The following PIEZO2 variants were observed in gnomAD, a reference collection of about 807,000 sequenced individuals.
PIEZO2 encodes the protein piezo type mechanosensitive ion channel component 2.
A neutral mutation model predicts 337.3 loss-of-function variants in PIEZO2; 172 were observed. The observed-to-expected ratio is 0.51, with a 90% CI of 0.45 to 0.58. The LOEUF is 0.58. PIEZO2 is among the 20% of genes least tolerant of loss of function. The pLI is 0.00. For synonymous variants in PIEZO2, 1,251 were observed against 1,228.5 expected (o/e 1.02, Z -0.38); for missense variants, 3,028 against 3,391.3 (o/e 0.89, Z 2.66).
At position 10,903,241 on chromosome 18, in the gene PIEZO2, C is replaced by T. The variant is rs1209881501; in HGVS notation, c.329+7945G>A. Reference sequence around the variant, plus strand: ...GAGACATTATAATCACTCTCCTGAACTACTGCAGCAGCTTCCTAGCTGAAC... The same window carrying T: ...GAGACATTATAATCACTCTCCTGAATTACTGCAGCAGCTTCCTAGCTGAAC... On this transcript the variant is annotated intron_variant, in intron 4 of 55. Coordinates refer to ENST00000674853, the MANE Select transcript of PIEZO2 (RefSeq NM_001378183.1). This position sits in a 1 kb window ranked among gnomAD's most constrained non-coding sequence, Gnocchi z 4.1. 6.6e-6 allele frequency among the ~76,000 whole-genome samples: 1 copy of T among 152,224 alleles called. No individual in the cohort carries two copies. Among genetic ancestry groups the T allele is most frequent in the Non-Finnish European group, 1.5e-5 (1 of 68,038 alleles).
At position 10,748,516 on chromosome 18, in the gene PIEZO2, A is replaced by G; in HGVS notation, c.4379T>C (p.Leu1460Pro). 1 of 1,537,154 alleles carries G rather than the reference A, an allele frequency of 6.5e-7. No homozygotes were observed. The highest frequency in any genetic ancestry group is 8.7e-7 in the Non-Finnish European group (1 of 1,146,870). Residue 1460 changes from leucine to proline, a missense_variant, in exon 30 of 56, where the codon CTA becomes CCA. Leu to Pro is a moderately conservative substitution (Grantham distance 98, BLOSUM62 -3). Transcript: ENST00000674853. This position sits in a 1 kb window ranked among gnomAD's most constrained non-coding sequence, Gnocchi z 5.1. ...AGCTTTTATATCAGCCACAACATGT[A>G]GAAAATAATAACTCATGAAAACTCT... ...QRRVFMSYYF[L>P]HVVADIKASQ... is the part of the protein sequence containing the mutation.
In PIEZO2 at chr18:10,976,464, C is replaced by T. The variant is rs565048628; in HGVS notation, c.286+3071G>A. Among the ~76,000 whole-genome samples the T allele has an allele frequency of 2.0e-5, 3 of 152,274 alleles. No homozygotes were observed. In the South Asian group the frequency reaches 6.2e-4, roughly 32 times the overall value. ...ACTCAATCTTTCACATATCCCTTCT[C>T]TATTGGTTACTTCATCAAAAATACT... On this transcript the variant is annotated intron_variant, in intron 3 of 55. Transcript: ENST00000674853.
At chr18:11,123,510 T>C (rs2146204178) in intron 1 of PIEZO2, among the ~76,000 whole-genome samples, 1 of 152,226 alleles carries the variant, frequency 6.6e-6, no homozygotes, top group Admixed American at 6.5e-5. Flanking sequence ...TCCTTTCCTT[T>C]TGAAGAATGT....
In PIEZO2 at chr18:10,750,117, G is replaced by A. The variant is rs1200871036; in HGVS notation, c.4238C>T (p.Ala1413Val). 4.6e-6 allele frequency: 7 copies of A among 1,536,608 alleles called. No individual in the cohort carries two copies. The African/African-American group carries it at 5.5e-5, about 12-fold the overall frequency. Reference sequence around the variant, plus strand: ...CATTTGATAGCCTTTGACTGTGCAGGCCAGGCTGAAAGCCTGGATCAACCA... The same window carrying A: ...CATTTGATAGCCTTTGACTGTGCAGACCAGGCTGAAAGCCTGGATCAACCA... ...SCWLIQAFSL[A>V]CTVKGYQMPA... Residue 1413 changes from alanine to valine, a missense_variant, in exon 29 of 56, where the codon GCC becomes GTC. Ala to Val is a moderately conservative substitution (Grantham distance 64, BLOSUM62 0). Coordinates refer to ENST00000674853, the MANE Select transcript of PIEZO2 (RefSeq NM_001378183.1). The surrounding 1 kb of genome is among the most constrained non-coding windows in gnomAD (Gnocchi z 4.1).
In PIEZO2 at chr18:10,942,177, A is replaced by C. The variant is rs1429015865; in HGVS notation, c.287-30949T>G. Among the ~76,000 whole-genome samples the C allele has an allele frequency of 1.3e-5, 2 of 152,304 alleles. No individual in the cohort carries two copies. Among genetic ancestry groups the C allele is most frequent in the East Asian group, 3.9e-4 (2 of 5,174 alleles). ...TTCTCAGCAGCATGAAAATGAACTAATTCAGTAAATTGGTACCAGTAGGGT... is the reference window on the plus strand; with the variant it reads ...TTCTCAGCAGCATGAAAATGAACTACTTCAGTAAATTGGTACCAGTAGGGT... On this transcript the variant is annotated intron_variant, in intron 3 of 55. Transcript: ENST00000674853. The surrounding 1 kb of genome is among the most constrained non-coding windows in gnomAD (Gnocchi z 4.4).
intron 4 of PIEZO2, among the ~76,000 whole-genome samples, chr18:10,900,513 A>T (rs998570108): frequency 3.9e-5 from 6 of 152,228 alleles, no homozygotes; most frequent in African/African-American, 7.2e-5. Context: ...ATGGGTTTGA[A>T]CAAAATCTAA....
At chr18:10,865,390 A>C (rs2041979353) in intron 5 of PIEZO2, among the ~76,000 whole-genome samples, 1 of 152,222 alleles carries the variant, frequency 6.6e-6, no homozygotes, top group Non-Finnish European at 1.5e-5. Flanking sequence ...ACATATTTTC[A>C]GGCCTTGCTG....
In PIEZO2 at chr18:11,132,291, A is replaced by T. The variant is rs769040834; in HGVS notation, c.64+16234T>A. 3.5e-4 allele frequency among the ~76,000 whole-genome samples: 54 copies of T among 152,168 alleles called. No individual in the cohort carries two copies. The highest frequency in any genetic ancestry group is 1.9e-4 in the East Asian group (1 of 5,192). The stretch of plus-strand genomic sequence containing the variant: ...TGCCTCTGACCAAGGCACTCACTTT[A>T]TGGTGAAAGAAGTGTGGCAGCAGGC... On this transcript the variant is annotated intron_variant, in intron 1 of 55. Coordinates refer to ENST00000674853, the MANE Select transcript of PIEZO2 (RefSeq NM_001378183.1). The surrounding 1 kb of genome is among the most constrained non-coding windows in gnomAD (Gnocchi z 4.7).
intron 8 of PIEZO2, among the ~76,000 whole-genome samples, chr18:10,806,140 G>A (rs1305331057): frequency 6.6e-6 from 1 of 152,196 alleles, no homozygotes; most frequent in Non-Finnish European, 1.5e-5. Context: ...GACAGACAGA[G>A]AAAGTAGGGA....
At chr18:10,698,862 C>T (rs1459930872) in intron 44 of PIEZO2, 63 bp downstream of exon 44, 3 of 1,523,162 alleles carry the variant, frequency 2.0e-6, no homozygotes, top group Non-Finnish European at 1.8e-6. Context: ...GACCCACAGG[C>T]ACCAGAAAAA....
At chr18:10,978,876 T>C (rs986751696) in intron 3 of PIEZO2, among the ~76,000 whole-genome samples, 2 of 152,178 alleles carry the variant, frequency 1.3e-5, no homozygotes, top group Non-Finnish European at 2.9e-5. Context: ...CAATCACACA[T>C]CCTACAAAAA....
At position 10,724,878 on chromosome 18, in the gene PIEZO2, T is replaced by C; in HGVS notation, c.5029+6529A>G. ...GCAGTGAGAGCACCTACTCTGTAAA[T>C]AGTACTGGCCGGCGGGGGCGTGGCA... On this transcript the variant is annotated intron_variant, in intron 36 of 55. Transcript: ENST00000674853. This position sits in a 1 kb window ranked among gnomAD's most constrained non-coding sequence, Gnocchi z 5.8. 4 of 1,609,450 alleles carry C rather than the reference T, an allele frequency of 2.5e-6. No homozygotes were observed. The highest frequency in any genetic ancestry group is 1.1e-5 in the South Asian group (1 of 90,676).
chr18:10,702,184 G>A lies in PIEZO2; in HGVS notation c.6259-13C>T. The A allele has an allele frequency of 6.5e-7, 1 of 1,529,054 alleles. No individual in the cohort carries two copies. The highest frequency in any genetic ancestry group is 8.7e-7 in the Non-Finnish European group (1 of 1,144,516). The allele number at this position is 1,529,054 out of a possible 1,614,324, so 94.7% of individuals were successfully genotyped here. A position where few individuals can be genotyped will look rare whatever the true frequency, so the allele number is the denominator to read the frequency against. Reference sequence around the variant, plus strand: ...CTACAATTGCCACCTACGCACAGATGACAGAAATTTTAAAACATTACTCCT... The same window carrying A: ...CTACAATTGCCACCTACGCACAGATAACAGAAATTTTAAAACATTACTCCT... On this transcript the variant is annotated splice_polypyrimidine_tract_variant and intron_variant, in intron 42 of 55. Coordinates refer to ENST00000674853, the MANE Select transcript of PIEZO2 (RefSeq NM_001378183.1).
intron 1 of PIEZO2, among the ~76,000 whole-genome samples, chr18:11,130,601 T>C (rs1274873354): frequency 6.6e-6 from 1 of 152,230 alleles, no homozygotes; most frequent in African/African-American, 2.4e-5. Context: ...ACTGGACTTA[T>C]TGGAGAGACA....
intron 4 of PIEZO2, among the ~76,000 whole-genome samples, chr18:10,893,452 T>C (rs1257126327): frequency 7.2e-6 from 1 of 138,792 alleles, no homozygotes; most frequent in Non-Finnish European, 1.6e-5. Flanking sequence ...TGACCCCTCT[T>C]TAATTCATCA....
At position 10,855,265 on chromosome 18, in the gene PIEZO2, A is replaced by T; in HGVS notation, c.917+88T>A. The stretch of plus-strand genomic sequence containing the variant: ...ACAGCAATTGCCTGCCATCAAGAAT[A>T]ACCCCTGTAAATTCACAATGCCAAA... On this transcript the variant is annotated intron_variant, in intron 7 of 55. Coordinates refer to ENST00000674853, the MANE Select transcript of PIEZO2 (RefSeq NM_001378183.1). The surrounding 1 kb of genome is among the most constrained non-coding windows in gnomAD (Gnocchi z 4.9). The T allele has an allele frequency of 8.5e-7, 1 of 1,178,484 alleles. No individual in the cohort carries two copies. Among genetic ancestry groups the T allele is most frequent in the Admixed American group, 2.1e-5 (1 of 47,342 alleles). 73.0% of individuals were successfully genotyped at this position (1,178,484 alleles called of 1,614,324 possible). A position where few individuals can be genotyped will look rare whatever the true frequency, so the allele number is the denominator to read the frequency against.
chr18:10,770,276 G>A lies in PIEZO2; in HGVS notation c.2818C>T (p.Arg940Cys), dbSNP rs774554263. 8.5e-6 allele frequency: 13 copies of A among 1,537,372 alleles called. 1 individual carries two copies. Among genetic ancestry groups the A allele is most frequent in the South Asian group, 6.0e-5 (5 of 84,010 alleles). ...LRNKWHLVIDRLTVLFLKFLE... is the reference protein window; with the variant it reads ...LRNKWHLVIDCLTVLFLKFLE... The stretch of plus-strand genomic sequence containing the variant: ...AATTTTAAGAAGAGCACAGTGAGGC[G>A]GTCAATCACCAGGTGCCATTTGTTC... The change falls in exon 21 of 56, where the codon CGC (arginine) becomes TGC (cysteine). Residue 940 changes from arginine to cysteine, a missense_variant. Coordinates refer to ENST00000674853, the MANE Select transcript of PIEZO2 (RefSeq NM_001378183.1).
intron 4 of PIEZO2, among the ~76,000 whole-genome samples, chr18:10,876,987 G>A (rs1450415987): frequency 2.0e-5 from 3 of 152,064 alleles, no homozygotes; most frequent in East Asian, 1.9e-4. Context: ...CCAAATCTCC[G>A]TTCCCGTGGT....
rs763758596 is a variant in PIEZO2 at position 10,671,524 on chromosome 18, G to A, written c.*3C>T. The stretch of plus-strand genomic sequence containing the variant: ...CATTATTTGCAGTCTGTGTTCTAAG[G>A]TTTCAATTTGTTTTTTCTCTAGTCC... On this transcript the variant is annotated 3_prime_UTR_variant, in exon 56 of 56. Transcript: ENST00000674853. 4 of 1,606,508 alleles carry A rather than the reference G, an allele frequency of 2.5e-6. No homozygotes were observed. In the South Asian group the frequency reaches 3.3e-5, roughly 13 times the overall value.
Sources: gnomAD v4.1 joint callset for allele counts (sites outside exome capture counted in the v4.1 genomes callset) on GRCh38, gnomAD v4.1.1 for gene constraint, Gnocchi (gnomAD v3.1) non-coding constraint, MANE v1.5 for transcripts, NCBI Gene and HGNC (gene_info 2026-07-23, HGNC 2026-07-21) for gene names.